Variants in NNT observed in about 807,000 individuals in gnomAD.
NNT encodes the protein nicotinamide nucleotide transhydrogenase.
Under a neutral mutation model 104.8 loss-of-function variants are expected in NNT, and 50 were observed. The ratio of observed to expected loss-of-function variants is 0.48; its 90% CI spans 0.38 to 0.60. The LOEUF (loss-of-function observed/expected upper bound fraction) is 0.60, where lower values mean the gene tolerates loss of function less well. NNT is among the 20% of genes least tolerant of loss of function. The pLI is 0.00. For missense variants in NNT, 1,131 were observed against 1,330.7 expected, an observed-to-expected ratio of 0.85 and a Z score of 2.33; for synonymous variants, 461 against 490.4, an observed-to-expected ratio of 0.94 and a Z score of 0.79.
chr5:43,659,263 G>T lies in NNT; in HGVS notation c.2547G>T (p.Glu849Asp). 6.2e-7 allele frequency: 1 copy of T among 1,614,026 alleles called. No individual in the cohort carries two copies. The highest frequency in any genetic ancestry group is 8.5e-7 in the Non-Finnish European group (1 of 1,180,002). ...ACTCAGGCTGGGCCCTGTGTGCAGA[G>T]GGCTTCCTGCTCAACAACAATCTGC... ...NSYSGWALCA[E>D]GFLLNNNLLT... Residue 849 changes from glutamate to aspartate, a missense_variant, in exon 17 of 22, where the codon GAG becomes GAT. Coordinates refer to ENST00000344920, the MANE Select transcript of NNT (RefSeq NM_182977.3).
chr5:43,644,144 G>A (rs768929018), intron 7 of NNT, 48 bp from the exon 8 acceptor site: 8 of 1,527,716 alleles, frequency 5.2e-6, no homozygotes, highest in East Asian at 2.3e-5. Context: ...ACTTTAAGGT[G>A]TTAGAAAATG....
At chr5:43,638,294 T>A (rs1751045506) in intron 7 of NNT, among the ~76,000 whole-genome samples, 4 of 152,118 alleles carry the variant, frequency 2.6e-5, no homozygotes, top group African/African-American at 4.8e-5. Flanking sequence ...GAGATCAGAC[T>A]AATACAAGTG....
At chr5:43,619,397 T>C (rs1209302336) in intron 5 of NNT, among the ~76,000 whole-genome samples, 1 of 152,172 alleles carries the variant, frequency 6.6e-6, no homozygotes, top group Non-Finnish European at 1.5e-5. Flanking sequence ...CTGTAGCCTA[T>C]ATATTATTAA....
chr5:43,664,944 C>CT lies in NNT; in HGVS notation c.2634+5602dup, dbSNP rs912378260. On this transcript the variant is annotated intron_variant, in intron 17 of 21. Coordinates refer to ENST00000344920, the MANE Select transcript of NNT (RefSeq NM_182977.3). ...TGATGGTTAAACTACTGTGTGGTTC[C>CT]TTTTTTTTCTCCCTAAGATGCCATC... Among the ~76,000 whole-genome samples, 269 of 151,874 alleles carry CT rather than the reference C, an allele frequency of 1.8e-3. 1 individual carries two copies. The highest frequency in any genetic ancestry group is 6.3e-3 in the African/African-American group (261 of 41,458).
At chr5:43,670,233 C>A (rs546398165) in intron 17 of NNT, among the ~76,000 whole-genome samples, 190 of 152,188 alleles carry the variant, frequency 1.2e-3, no homozygotes, top group Middle Eastern at 3.4e-3. Flanking sequence ...AAAAAACCAG[C>A]TCCTGGATTC....
intron 3 of NNT, 120 bp from the exon 4 acceptor site, chr5:43,615,728 T>G (rs1749750271): frequency 1.3e-6 from 1 of 795,266 alleles, no homozygotes; most frequent in African/African-American, 1.7e-5. Context: ...AAATTATTGA[T>G]GGAAGATTTA....
At chr5:43,648,942 G>T (rs1051037978) in intron 10 of NNT, among the ~76,000 whole-genome samples, 1 of 152,050 alleles carries the variant, frequency 6.6e-6, no homozygotes, top group African/African-American at 2.4e-5. Context: ...TATTTTGGGG[G>T]GGTGGTCAGA....
chr5:43,693,707 T>TA (rs566992450), intron 19 of NNT, among the ~76,000 whole-genome samples: 58 of 151,570 alleles, frequency 3.8e-4, no homozygotes, highest in African/African-American at 7.0e-4. Flanking sequence ...TCTAGAGAAT[T>TA]AAAAAAAAAT....
At chr5:43,623,667 C>G (rs557322194) in intron 5 of NNT, among the ~76,000 whole-genome samples, 2 of 152,266 alleles carry the variant, frequency 1.3e-5, no homozygotes, top group African/African-American at 4.8e-5. Flanking sequence ...GAATGCCACA[C>G]TGGGACTTTT....
chr5:43,664,674 A>T (rs1740534753), intron 17 of NNT, among the ~76,000 whole-genome samples: 1 of 152,182 alleles, frequency 6.6e-6, no homozygotes, highest in Admixed American at 6.5e-5. Context: ...GGAAGCTGGG[A>T]ACTGTTCAAT....
At chr5:43,666,320 C>T (rs192938047) in intron 17 of NNT, among the ~76,000 whole-genome samples, 113 of 152,190 alleles carry the variant, frequency 7.4e-4, no homozygotes, top group South Asian at 3.9e-3. Flanking sequence ...ACTGAGTGAG[C>T]GAGACTCCGT....
At chr5:43,627,421 C>A (rs1482630680) in intron 6 of NNT, among the ~76,000 whole-genome samples, 1 of 152,094 alleles carries the variant, frequency 6.6e-6, no homozygotes, top group African/African-American at 2.4e-5. Context: ...TTATAATTCA[C>A]TGGGTCTGGG....
At chr5:43,634,917 G>A (rs915873650) in intron 7 of NNT, among the ~76,000 whole-genome samples, 11 of 152,128 alleles carry the variant, frequency 7.2e-5, no homozygotes, top group Admixed American at 5.9e-4. Context: ...ACTTTGGTTT[G>A]GTTTGTTATT....
At chr5:43,644,110 C>T (rs1580021777) in intron 7 of NNT, 82 bp from the exon 8 acceptor site, 5 of 1,297,214 alleles carry the variant, frequency 3.9e-6, no homozygotes, top group Non-Finnish European at 5.4e-6. Context: ...TTCCTGAATG[C>T]CCAGAGACTA....
intron 5 of NNT, among the ~76,000 whole-genome samples, chr5:43,619,441 A>T (rs1323117979): frequency 1.3e-5 from 2 of 152,186 alleles, no homozygotes; most frequent in East Asian, 3.8e-4. Flanking sequence ...ACCATTCAGC[A>T]GATTCTGGGT....
chr5:43,671,065 G>C (rs1741047361), intron 17 of NNT, among the ~76,000 whole-genome samples: 1 of 152,100 alleles, frequency 6.6e-6, no homozygotes, highest in Admixed American at 6.5e-5. Flanking sequence ...TTTGATATTT[G>C]TTGGTTTAAA....
intron 7 of NNT, among the ~76,000 whole-genome samples, chr5:43,632,354 G>A (rs749665031): frequency 6.6e-6 from 1 of 152,172 alleles, no homozygotes; most frequent in Non-Finnish European, 1.5e-5. Context: ...CTGAAGGCCT[G>A]GTGTGGATAA....
intron 3 of NNT, among the ~76,000 whole-genome samples, chr5:43,613,888 T>G (rs1208146348): frequency 6.6e-6 from 1 of 151,510 alleles, no homozygotes; most frequent in African/African-American, 2.4e-5. Flanking sequence ...AATCACATAG[T>G]TTTTTTATTT....
intron 17 of NNT, chr5:43,667,210 G>C (rs1176665722): frequency 1.1e-5 from 14 of 1,310,792 alleles, no homozygotes; most frequent in Non-Finnish European, 1.4e-5. Context: ...GTTGTGTGTA[G>C]TGTGGTTCTT....
Sources: allele counts gnomAD v4.1 joint callset (sites outside exome capture counted in the v4.1 genomes callset), GRCh38; gene constraint gnomAD v4.1.1; transcripts MANE v1.5; gene names NCBI Gene and HGNC (gene_info 2026-07-23, HGNC 2026-07-21).